The following LSS variants were observed in gnomAD, a reference collection of about 807,000 sequenced individuals.
The protein encoded by LSS is lanosterol synthase.
A neutral mutation model predicts 110.3 loss-of-function variants in LSS; 90 were observed. The observed-to-expected ratio is 0.82, with a 90% CI of 0.69 to 0.97. The LOEUF (loss-of-function observed/expected upper bound fraction) is 0.97, where lower values mean the gene tolerates loss of function less well. LSS is among the 50% of genes least tolerant of loss of function. LSS has a pLI of 0.00. For missense variants in LSS, 927 were observed against 990.0 expected (o/e 0.94, Z 0.85); for synonymous variants, 433 against 400.0 (o/e 1.08, Z -0.98).
intron 3 of LSS, chr21:46,227,175 A>G (rs937899026): frequency 1.0e-5 from 2 of 199,062 alleles, no homozygotes; most frequent in Admixed American, 5.5e-5. Context: ...GGAAGTTCAC[A>G]GCAGATATCA....
At chr21:46,218,310 A>C (rs1419172837) in intron 6 of LSS, among the ~76,000 whole-genome samples, 2 of 152,140 alleles carry the variant, frequency 1.3e-5, no homozygotes, top group Non-Finnish European at 2.9e-5. Context: ...CACTGCTTTC[A>C]ATAGATAGCC....
intron 17 of LSS, among the ~76,000 whole-genome samples, 168 bp downstream of exon 17, chr21:46,205,668 T>A (rs559074097): frequency 6.6e-6 from 1 of 152,252 alleles, no homozygotes; most frequent in Non-Finnish European, 1.5e-5. Flanking sequence ...AGATATTTTG[T>A]ATGCTTTAGG....
chr21:46,222,149 C>T (rs1313879483), intron 4 of LSS, 174 bp from the exon 5 acceptor site: 12 of 649,568 alleles, frequency 1.8e-5, no homozygotes, highest in South Asian at 5.8e-5. Flanking sequence ...CGAATTCATG[C>T]ACCTCCCATG....
chr21:46,221,217 G>A (rs796958704), intron 5 of LSS, among the ~76,000 whole-genome samples: 7 of 150,928 alleles, frequency 4.6e-5, no homozygotes, highest in African/African-American at 1.7e-4. Flanking sequence ...AGAGGTAGAC[G>A]ATCAGCTTGG....
Position 46,190,196 on chromosome 21 carries a change from C to T in LSS, c.*908G>A. On this transcript the variant is annotated 3_prime_UTR_variant, in exon 22 of 22. Transcript: ENST00000397728. This position sits in a 1 kb window ranked among gnomAD's most constrained non-coding sequence, Gnocchi z 4.6. ...TAGCAGTGCCCCGCGGCAGTAACTA[C>T]AACTGCTGCCTGCCCCTCACCCCTG... The T allele has an allele frequency of 5.5e-6, 1 of 181,892 alleles. No homozygotes were observed. The highest frequency in any genetic ancestry group is 1.2e-5 in the Non-Finnish European group (1 of 86,276). The allele number at this position is 181,892 out of a possible 1,614,324, so 11.3% of individuals were successfully genotyped here.
Position 46,189,701 on chromosome 21 carries a change from C to T in LSS, c.*1403G>A, listed in dbSNP as rs934411072. The T allele has an allele frequency of 1.5e-5, 7 of 456,596 alleles. No homozygotes were observed. The highest frequency in any genetic ancestry group is 2.6e-5 in the Non-Finnish European group (6 of 226,946). The allele number at this position is 456,596 out of a possible 1,614,324, so 28.3% of individuals were successfully genotyped here. ...CCACTGCCTGAGGGAGAGTGATCAG[C>T]CAGGGGGAGAGGCCAGGGACTGCTA... On this transcript the variant is annotated 3_prime_UTR_variant, in exon 22 of 22. Coordinates refer to ENST00000397728, the MANE Select transcript of LSS (RefSeq NM_002340.6).
intron 3 of LSS, among the ~76,000 whole-genome samples, chr21:46,224,442 C>CTA (rs1848887685): frequency 6.6e-6 from 1 of 152,188 alleles, no homozygotes; most frequent in Non-Finnish European, 1.5e-5. Context: ...TACACTCTCT[C>CTA]ATCGCCGCAC....
Position 46,190,680 on chromosome 21 carries a change from C to G in LSS, c.*424G>C. On this transcript the variant is annotated 3_prime_UTR_variant, in exon 22 of 22. Coordinates refer to ENST00000397728, the MANE Select transcript of LSS (RefSeq NM_002340.6). This position sits in a 1 kb window ranked among gnomAD's most constrained non-coding sequence, Gnocchi z 4.6. ...CAGCAGACAAAAGGTGCAGGAGAAGCCTGCCCAGGGCCGACCCCAGCCCAG... is the reference window on the plus strand; with the variant it reads ...CAGCAGACAAAAGGTGCAGGAGAAGGCTGCCCAGGGCCGACCCCAGCCCAG... The G allele has an allele frequency of 5.4e-6, 1 of 184,286 alleles. No individual in the cohort carries two copies. Among genetic ancestry groups the G allele is most frequent in the Admixed American group, 5.5e-5 (1 of 18,246 alleles). 11.4% of individuals were successfully genotyped at this position (184,286 alleles called of 1,614,324 possible).
intron 17 of LSS, among the ~76,000 whole-genome samples, chr21:46,196,751 T>A (rs1160242260): frequency 2.0e-5 from 3 of 152,216 alleles, no homozygotes; most frequent in Non-Finnish European, 2.9e-5. Flanking sequence ...GGACTTGTCT[T>A]TAACCAGCAG....
At position 46,211,187 on chromosome 21, in the gene LSS, C is replaced by T. The variant is rs546495535; in HGVS notation, c.1138-443G>A. 8.5e-5 allele frequency among the ~76,000 whole-genome samples: 13 copies of T among 152,196 alleles called. No individual in the cohort carries two copies. The South Asian group carries it at 1.5e-3, about 17-fold the overall frequency. On this transcript the variant is annotated intron_variant, in intron 11 of 21. Transcript: ENST00000397728. ...TGTTGCCCAGGCTGGAGTGCAGTGG[C>T]GTGATCTCAGCTCGCTGCAAGCTCC...
chr21:46,207,276 A>T (rs2080062837), intron 15 of LSS, 152 bp downstream of exon 15: 1 of 942,690 alleles, frequency 1.1e-6, no homozygotes, highest in Non-Finnish European at 1.6e-6. Flanking sequence ...GCCAGAGCTC[A>T]CAGTTCTCCA....
chr21:46,218,749 C>CA (rs892878852), intron 6 of LSS, among the ~76,000 whole-genome samples: 173 of 138,108 alleles, frequency 1.3e-3, no homozygotes, highest in Middle Eastern at 4.1e-3. Context: ...TTTTTTGAGA[C>CA]AGAGTCTCAC....
Position 46,213,081 on chromosome 21 carries a change from T to C in LSS, c.1110-29A>G, listed in dbSNP as rs2839151. On this transcript the variant is annotated intron_variant, in intron 10 of 21. Transcript: ENST00000397728. ...TGAGGAGAAAAAAGCCCAAGTCAGG[T>C]GCAAGGAGAAAGCTGGAAGCCCAGC... 0.092 allele frequency: 148,054 copies of C among 1,610,784 alleles called. 8,736 individuals carry two copies. Among genetic ancestry groups the C allele is most frequent in the African/African-American group, 0.28 (21,039 of 74,836 alleles).
At chr21:46,212,133 ATG>A (rs1355218264) in intron 11 of LSS, among the ~76,000 whole-genome samples, 2 of 152,196 alleles carry the variant, frequency 1.3e-5, no homozygotes, top group East Asian at 3.8e-4. Flanking sequence ...TCCACTTTAC[ATG>A]TGTTTTGAAA....
Position 46,222,658 on chromosome 21 carries a change from C to A in LSS, c.400G>T (p.Val134Leu), listed in dbSNP as rs373432079. The stretch of plus-strand genomic sequence containing the variant: ...CCCCAGCCACCGTCAGGGAGCTGCA[C>A]TGACCGCAGGTACCGCACAATCTCT... The part of the protein sequence containing the change: ...REEIVRYLRS[V>L]QLPDGGWGLH... Residue 134 changes from valine to leucine, a missense_variant, in exon 4 of 22, where the codon GTG becomes TTG. Transcript: ENST00000397728. The A allele has an allele frequency of 3.1e-6, 5 of 1,613,654 alleles. No homozygotes were observed. The African/African-American group carries it at 6.7e-5, about 22-fold the overall frequency.
intron 14 of LSS, 42 bp downstream of exon 14, chr21:46,208,209 C>T: frequency 6.5e-7 from 1 of 1,544,392 alleles, no homozygotes; most frequent in East Asian, 2.4e-5. Context: ...AGGGCGGCCT[C>T]CCCTGGGGGA....
At chr21:46,212,997 C>CA (rs1433850752) in intron 11 of LSS, 28 bp downstream of exon 11, 1 of 1,613,736 alleles carries the variant, frequency 6.2e-7, no homozygotes, top group South Asian at 1.1e-5. Context: ...GCAAAGGAAG[C>CA]ATGCAGCCGC....
rs571072050 is a variant in LSS at position 46,193,961 on chromosome 21, TGTGG to T, written c.1988+526_1988+529del. Reference sequence around the variant, plus strand: ...GTATGTGTGTGGACACAGGTGCCTGTGTGGGCATGCGTACGTGTGTGCATAGGCC... The same window carrying T: ...GTATGTGTGTGGACACAGGTGCCTGTGCATGCGTACGTGTGTGCATAGGCC... On this transcript the variant is annotated intron_variant, in intron 20 of 21. Transcript: ENST00000397728. Among the ~76,000 whole-genome samples the T allele has an allele frequency of 8.9e-3, 1,344 of 151,706 alleles. 24 individuals carry two copies. The highest frequency in any genetic ancestry group is 0.031 in the African/African-American group (1,271 of 41,276).
chr21:46,212,666 C>T (rs2839149), intron 11 of LSS, among the ~76,000 whole-genome samples: 29,271 of 152,230 alleles, frequency 0.19, 4,123 homozygotes, highest in African/African-American at 0.39. Flanking sequence ...AGAAGAAGCC[C>T]CTTAAATTAA....
Sources: gnomAD v4.1 joint callset for allele counts (sites outside exome capture counted in the v4.1 genomes callset) on GRCh38, gnomAD v4.1.1 for gene constraint, Gnocchi (gnomAD v3.1) non-coding constraint, MANE v1.5 for transcripts, NCBI Gene and HGNC (gene_info 2026-07-23, HGNC 2026-07-21) for gene names.